HDAC4: variants seen among roughly 807,000 people sequenced by gnomAD.
HDAC4 encodes the protein histone deacetylase 4.
HDAC4 carries 16 observed loss-of-function variants against 135.1 expected under a neutral mutation model. That is an observed-to-expected ratio of 0.12 (90% CI 0.08 to 0.18). The LOEUF (loss-of-function observed/expected upper bound fraction) is 0.18, where lower values mean the gene tolerates loss of function less well. Ranked by LOEUF, HDAC4 falls within the 10% of genes least tolerant of loss-of-function variation. HDAC4 has a pLI of 1.00. For synonymous variants in HDAC4, 685 were observed against 653.4 expected, an observed-to-expected ratio of 1.05 and a Z score of -0.74; for missense variants, 1,143 against 1,511.8, an observed-to-expected ratio of 0.76 and a Z score of 4.05.
chr2:239,189,340 TA>T (rs1310526304), intron 4 of HDAC4, among the ~76,000 whole-genome samples: 5 of 152,306 alleles, frequency 3.3e-5, no homozygotes, highest in African/African-American at 9.6e-5. Flanking sequence ...TTGTAGACAG[TA>T]AGTACCAAAA....
At chr2:239,387,100 T>C (rs1007534218) in intron 1 of HDAC4, among the ~76,000 whole-genome samples, 5 of 152,250 alleles carry the variant, frequency 3.3e-5, no homozygotes, top group African/African-American at 9.6e-5. Context: ...GTGGGAATGC[T>C]TGCTGTGTGT....
chr2:239,078,765 G>A (rs1290747974), intron 22 of HDAC4, among the ~76,000 whole-genome samples: 1 of 152,146 alleles, frequency 6.6e-6, no homozygotes, highest in African/African-American at 2.4e-5. Context: ...GGGCTTGCCC[G>A]CCAGCAGGGA....
chr2:239,101,825 G>C (rs1048694832), intron 16 of HDAC4, among the ~76,000 whole-genome samples: 11 of 151,954 alleles, frequency 7.2e-5, no homozygotes, highest in African/African-American at 2.7e-4. Context: ...TGGGTTCTGT[G>C]TCCTGGGAGC....
intron 2 of HDAC4, among the ~76,000 whole-genome samples, chr2:239,341,003 C>T (rs138719029): frequency 6.6e-6 from 1 of 152,224 alleles, no homozygotes; most frequent in South Asian, 2.1e-4. Flanking sequence ...CCACCATTAC[C>T]ATCAAGGACT....
chr2:239,263,578 G>A (rs1256071299), intron 2 of HDAC4, among the ~76,000 whole-genome samples: 1 of 152,084 alleles, frequency 6.6e-6, no homozygotes, highest in Non-Finnish European at 1.5e-5. Context: ...ACAGGGGCAA[G>A]GGCAGGGAAG....
rs1434307354 is a variant in HDAC4 at position 239,303,265 on chromosome 2, G to A, written c.22+49413C>T. 6.6e-6 allele frequency among the ~76,000 whole-genome samples: 1 copy of A among 152,218 alleles called. No homozygotes were observed. Among genetic ancestry groups the A allele is most frequent in the African/African-American group, 2.4e-5 (1 of 41,458 alleles). ...GGAGGACAAGGTCCCTGGAATCCCC[G>A]ACAGCTTGACAATGTGAAATAAGTT... On this transcript the variant is annotated intron_variant, in intron 2 of 26. Coordinates refer to ENST00000543185, the MANE Select transcript of HDAC4 (RefSeq NM_001378414.1). This position sits in a 1 kb window ranked among gnomAD's most constrained non-coding sequence, Gnocchi z 5.1.
chr2:239,360,301 C>T (rs923481834), intron 1 of HDAC4, among the ~76,000 whole-genome samples: 5 of 152,190 alleles, frequency 3.3e-5, no homozygotes, highest in African/African-American at 9.7e-5. Context: ...GGCAGACAGA[C>T]GCCACAGACA....
chr2:239,379,598 C>A (rs1275088082), intron 1 of HDAC4, among the ~76,000 whole-genome samples: 2 of 152,164 alleles, frequency 1.3e-5, no homozygotes, highest in Non-Finnish European at 2.9e-5. Flanking sequence ...CGGCTCCTGG[C>A]AGGGCCTCCC....
intron 2 of HDAC4, among the ~76,000 whole-genome samples, chr2:239,333,789 A>G (rs926892352): frequency 1.2e-4 from 19 of 152,332 alleles, no homozygotes; most frequent in Admixed American, 5.9e-4. Flanking sequence ...AGAAAAACTC[A>G]GCAAACTAAG....
intron 5 of HDAC4, among the ~76,000 whole-genome samples, chr2:239,170,865 ATT>A (rs1559549824): frequency 2.0e-5 from 3 of 152,180 alleles, no homozygotes; most frequent in Non-Finnish European, 2.9e-5. Flanking sequence ...ACTGAGGAAA[ATT>A]AAAGGACCCC....
chr2:239,199,413 C>T (rs2045614703), intron 3 of HDAC4, among the ~76,000 whole-genome samples: 1 of 152,164 alleles, frequency 6.6e-6, no homozygotes, highest in South Asian at 2.1e-4. Context: ...GTTAGCAGGA[C>T]CATTTCTATA....
chr2:239,286,994 A>C (rs909047214), intron 2 of HDAC4, among the ~76,000 whole-genome samples: 1 of 152,160 alleles, frequency 6.6e-6, no homozygotes, highest in African/African-American at 2.4e-5. Context: ...CCCCAGCAGG[A>C]GAGTGTCTGA....
intron 7 of HDAC4, among the ~76,000 whole-genome samples, chr2:239,149,385 T>G (rs1264225202): frequency 6.6e-6 from 1 of 151,048 alleles, no homozygotes; most frequent in South Asian, 2.1e-4. Context: ...AATAAATAAA[T>G]AAATAAATAA....
chr2:239,236,813 T>C (rs2047914426), intron 2 of HDAC4, 149 bp from the exon 3 acceptor site: 1 of 619,578 alleles, frequency 1.6e-6, no homozygotes, highest in Non-Finnish European at 2.9e-6. Context: ...AGCTTCATCA[T>C]AGATTATTTG....
At chr2:239,098,451 C>T (rs567619399) in intron 16 of HDAC4, among the ~76,000 whole-genome samples, 1 of 152,376 alleles carries the variant, frequency 6.6e-6, no homozygotes, top group Admixed American at 6.5e-5. Flanking sequence ...AAGTCATTTT[C>T]CTGCCGCACC....
At chr2:239,390,798 C>T (rs1696147486) in intron 1 of HDAC4, among the ~76,000 whole-genome samples, 1 of 152,198 alleles carries the variant, frequency 6.6e-6, no homozygotes, top group South Asian at 2.1e-4. Context: ...ACGCAGCCTC[C>T]CTTGAGACAC....
chr2:239,298,042 C>T (rs1437475777), intron 2 of HDAC4: 3 of 458,780 alleles, frequency 6.5e-6, no homozygotes, highest in Non-Finnish European at 1.2e-5. Context: ...CAGGAATTAG[C>T]ACAATATTGA....
At chr2:239,246,605 G>C (rs2048477469) in intron 2 of HDAC4, among the ~76,000 whole-genome samples, 1 of 152,214 alleles carries the variant, frequency 6.6e-6, no homozygotes, top group Non-Finnish European at 1.5e-5. Context: ...CCTGCTCTGT[G>C]CTCTAAGGGC....
chr2:239,094,672 C>T, intron 17 of HDAC4: 1 of 1,201,338 alleles, frequency 8.3e-7, no homozygotes, highest in Non-Finnish European at 1.1e-6. Context: ...CCTACCCGCA[C>T]CATACTCGTG....
Sources: allele counts gnomAD v4.1 joint callset (sites outside exome capture counted in the v4.1 genomes callset), GRCh38; gene constraint gnomAD v4.1.1; non-coding constraint Gnocchi (gnomAD v3.1); transcripts MANE v1.5; gene names NCBI Gene and HGNC (gene_info 2026-07-23, HGNC 2026-07-21).